The following PRRX1 variants were observed in gnomAD, a reference collection of about 807,000 sequenced individuals.
PRRX1 encodes paired mesoderm homeobox protein 1.
In PRRX1, 8 loss-of-function variants were observed where a neutral mutation model predicts 24.0. That is an observed-to-expected ratio of 0.33 (90% CI 0.20 to 0.60). PRRX1 has a LOEUF of 0.60. PRRX1 is among the 20% of genes least tolerant of loss of function. The pLI is 0.82. For synonymous variants in PRRX1, 160 were observed against 131.7 expected, an observed-to-expected ratio of 1.22 and a Z score of -1.47; for missense variants, 281 against 322.4, an observed-to-expected ratio of 0.87 and a Z score of 0.98.
chr1:170,738,540 A>T lies in PRRX1; in HGVS notation c.*2354A>T. 1 of 228,642 alleles carries T rather than the reference A, an allele frequency of 4.4e-6. No homozygotes were observed. The highest frequency in any genetic ancestry group is 8.7e-6 in the Non-Finnish European group (1 of 115,202). 14.2% of individuals were successfully genotyped at this position (228,642 alleles called of 1,614,324 possible). On this transcript the variant is annotated 3_prime_UTR_variant, in exon 4 of 4. Coordinates refer to ENST00000239461, the MANE Select transcript of PRRX1 (RefSeq NM_022716.4). ...TTTGTCCCATTAGTTGCTGTGGATT[A>T]TCAAGTTTTGAAGGAACTGTACATC...
Position 170,664,459 on chromosome 1 carries a change from A to T in PRRX1, c.241A>T (p.Asn81Tyr). ...CGGCAGCGACACCCCGCAGCAGGAC[A>T]GTGAGTGAGGGGCGCATGCCCACGG... is the stretch of plus-strand genomic sequence containing the variant. Reference protein sequence around the residue: ...TSGSDTPQQDNDQLNSEEKKK... With the variant: ...TSGSDTPQQDYDQLNSEEKKK... Residue 81 changes from asparagine to tyrosine, a missense_variant and splice_region_variant, in exon 1 of 4, where the codon AAT becomes TAT. Asn to Tyr is a moderately radical substitution (Grantham distance 143). Coordinates refer to ENST00000239461, the MANE Select transcript of PRRX1 (RefSeq NM_022716.4). 1 of 1,599,466 alleles carries T rather than the reference A, an allele frequency of 6.3e-7. No homozygotes were observed. The highest frequency in any genetic ancestry group is 8.5e-7 in the Non-Finnish European group (1 of 1,173,780).
At chr1:170,684,295 T>C (rs1309084990) in intron 1 of PRRX1, among the ~76,000 whole-genome samples, 6 of 152,200 alleles carry the variant, frequency 3.9e-5, no homozygotes, top group Non-Finnish European at 8.8e-5. Flanking sequence ...AGACAGACAT[T>C]TTATCTCAGA....
intron 1 of PRRX1, among the ~76,000 whole-genome samples, chr1:170,673,864 G>A (rs556748592): frequency 6.6e-6 from 1 of 152,234 alleles, no homozygotes; most frequent in Admixed American, 6.5e-5. Context: ...TTCATCTACT[G>A]TTTAAGTCTC....
chr1:170,731,851 G>A (rs1655447948), intron 3 of PRRX1, among the ~76,000 whole-genome samples: 1 of 152,180 alleles, frequency 6.6e-6, no homozygotes, highest in African/African-American at 2.4e-5. Flanking sequence ...ATCAACAGAT[G>A]GGGTGCAAGC....
chr1:170,734,706 TA>T (rs888192579), intron 3 of PRRX1, among the ~76,000 whole-genome samples: 2 of 152,082 alleles, frequency 1.3e-5, no homozygotes, highest in African/African-American at 4.8e-5. Flanking sequence ...ACCAGGGCTA[TA>T]AAGATTTTAA....
In PRRX1 at chr1:170,680,690, C is replaced by T. The variant is rs146532210; in HGVS notation, c.241+16231C>T. ...AAGTGTCATAACATCCCATAGTTCA[C>T]GCCTTGCAGATGCTGGCATTGGTTA... is the stretch of plus-strand genomic sequence containing the variant. On this transcript the variant is annotated intron_variant, in intron 1 of 3. Coordinates refer to ENST00000239461, the MANE Select transcript of PRRX1 (RefSeq NM_022716.4). Among the ~76,000 whole-genome samples, 290 of 152,302 alleles carry T rather than the reference C, an allele frequency of 1.9e-3. 1 individual carries two copies. Among genetic ancestry groups the T allele is most frequent in the African/African-American group, 6.6e-3 (276 of 41,558 alleles).
intron 1 of PRRX1, among the ~76,000 whole-genome samples, chr1:170,670,117 A>G (rs1425539849): frequency 6.6e-6 from 1 of 152,200 alleles, no homozygotes; most frequent in East Asian, 1.9e-4. Context: ...TCCGTGTCCA[A>G]ACATTTAGAG....
chr1:170,705,901 C>T (rs74468292), intron 1 of PRRX1, among the ~76,000 whole-genome samples: 1,578 of 147,632 alleles, frequency 0.011, 35 homozygotes, highest in African/African-American at 0.038. Flanking sequence ...GGCTAAGTCA[C>T]ACATATACCC....
At chr1:170,668,498 G>C (rs536707613) in intron 1 of PRRX1, 1 of 152,236 alleles carries the variant, frequency 6.6e-6, no homozygotes, top group African/African-American at 2.4e-5. Flanking sequence ...TGCACCCGGC[G>C]CAGCTGGCTC....
upstream of PRRX1, chr1:170,663,952 G>A (rs779574435): frequency 1.7e-4 from 82 of 481,280 alleles, no homozygotes; most frequent in Admixed American, 2.7e-4. Flanking sequence ...GGACCGCGCC[G>A]GACTTGGCCT....
At chr1:170,696,267 C>T (rs541407709) in intron 1 of PRRX1, among the ~76,000 whole-genome samples, 7 of 152,030 alleles carry the variant, frequency 4.6e-5, no homozygotes, top group South Asian at 2.1e-4. Context: ...GTGATAAATA[C>T]GTCATTAACC....
chr1:170,668,869 A>G (rs901080299), intron 1 of PRRX1: 8 of 152,212 alleles, frequency 5.3e-5, no homozygotes, highest in African/African-American at 1.9e-4. Flanking sequence ...CCAATGAAAT[A>G]TAAAGCTTTA....
rs1056881388 is a variant in PRRX1 at position 170,738,166 on chromosome 1, C to T, written c.*1980C>T. 4.5e-6 allele frequency: 1 copy of T among 220,544 alleles called. No individual in the cohort carries two copies. The highest frequency in any genetic ancestry group is 9.1e-6 in the Non-Finnish European group (1 of 109,840). 13.7% of individuals were successfully genotyped at this position (220,544 alleles called of 1,614,324 possible). A position where few individuals can be genotyped will look rare whatever the true frequency, so the allele number is the denominator to read the frequency against. ...TTTTTAGTTGTGAGTGATTAAAAAA[C>T]TTTGGATCAATTTTGGTCAAACATG... On this transcript the variant is annotated 3_prime_UTR_variant, in exon 4 of 4. Transcript: ENST00000239461.
chr1:170,734,026 G>A (rs758529624), intron 3 of PRRX1, among the ~76,000 whole-genome samples: 2 of 152,040 alleles, frequency 1.3e-5, no homozygotes, highest in African/African-American at 2.4e-5. Context: ...CCCTTGGTAG[G>A]CAGTGGTTGA....
At chr1:170,699,382 G>T (rs1654277476) in intron 1 of PRRX1, among the ~76,000 whole-genome samples, 1 of 151,670 alleles carries the variant, frequency 6.6e-6, no homozygotes, top group Non-Finnish European at 1.5e-5. Flanking sequence ...CTTGGAATGA[G>T]AATTATTTGA....
At chr1:170,666,350 A>G (rs1193903665) in intron 1 of PRRX1, among the ~76,000 whole-genome samples, 1 of 142,650 alleles carries the variant, frequency 7.0e-6, no homozygotes, top group African/African-American at 2.6e-5. Flanking sequence ...CCCGGGAAGC[A>G]GAGGTTGCAG....
chr1:170,665,527 A>G (rs924369686), intron 1 of PRRX1, among the ~76,000 whole-genome samples: 1 of 152,190 alleles, frequency 6.6e-6, no homozygotes, highest in Non-Finnish European at 1.5e-5. Context: ...GTTGCTTTCT[A>G]TGTCAGTAGT....
intron 1 of PRRX1, among the ~76,000 whole-genome samples, chr1:170,707,145 GA>G (rs561397699): frequency 8.9e-4 from 130 of 145,730 alleles, no homozygotes; most frequent in Admixed American, 1.8e-3. Context: ...AAAAGAAAAA[GA>G]AAAAAAAAAT....
At position 170,694,197 on chromosome 1, in the gene PRRX1, C is replaced by T. The variant is rs540082383; in HGVS notation, c.242-25529C>T. Reference sequence around the variant, plus strand: ...ATAGTACCTGCCAACACATGAAACACGGTAGAAAGGTTTGATCAATTTTTT... The same window carrying T: ...ATAGTACCTGCCAACACATGAAACATGGTAGAAAGGTTTGATCAATTTTTT... On this transcript the variant is annotated intron_variant, in intron 1 of 3. Transcript: ENST00000239461. 3.7e-4 allele frequency among the ~76,000 whole-genome samples: 57 copies of T among 152,006 alleles called. 2 individuals carry two copies. The highest frequency in any genetic ancestry group is 3.4e-3 in the Middle Eastern group (1 of 294).
Sources: allele counts gnomAD v4.1 joint callset (sites outside exome capture counted in the v4.1 genomes callset), GRCh38; gene constraint gnomAD v4.1.1; transcripts MANE v1.5; gene names NCBI Gene and HGNC (gene_info 2026-07-23, HGNC 2026-07-21).